Variants in HKDC1 observed in about 807,000 individuals in gnomAD.
HKDC1 encodes the protein hexokinase HKDC1.
HKDC1 carries 66 observed loss-of-function variants against 96.6 expected under a neutral mutation model. The observed-to-expected ratio is 0.68, with a 90% CI of 0.56 to 0.84. HKDC1 has a LOEUF of 0.84. HKDC1 is among the 40% of genes least tolerant of loss of function. HKDC1 has a pLI of 0.00. For synonymous variants in HKDC1, 466 were observed against 473.1 expected (o/e 0.98, Z 0.20); for missense variants, 1,211 against 1,208.1 (o/e 1.00, Z -0.04).
At chr10:69,233,498 CT>C (rs1435109284) in intron 4 of HKDC1, among the ~76,000 whole-genome samples, 3 of 152,112 alleles carry the variant, frequency 2.0e-5, no homozygotes, top group Non-Finnish European at 2.9e-5. Flanking sequence ...AGATGTGATG[CT>C]GCCTGAGGCC....
chr10:69,236,337 A>T (rs1252267799), intron 4 of HKDC1, among the ~76,000 whole-genome samples: 1 of 151,180 alleles, frequency 6.6e-6, no homozygotes, highest in Non-Finnish European at 1.5e-5. Flanking sequence ...TGAATGCCCA[A>T]CTTCAGGAGA....
intron 7 of HKDC1, 38 bp from the exon 8 acceptor site, chr10:69,246,041 A>C: frequency 6.2e-7 from 1 of 1,604,974 alleles, no homozygotes; most frequent in Non-Finnish European, 8.5e-7. Context: ...AGCTTAATCA[A>C]AGGGGCTGCG....
chr10:69,233,087 T>C lies in HKDC1; in HGVS notation c.449T>C (p.Leu150Pro). The change falls in exon 4 of 18, where the codon CTT (leucine) becomes CCT (proline). Residue 150 changes from leucine to proline, a missense_variant. Coordinates refer to ENST00000354624, the MANE Select transcript of HKDC1 (RefSeq NM_025130.4). Reference protein sequence around the residue: ...TKDLKHKKLPLGLTFSFPCRQ... With the variant: ...TKDLKHKKLPPGLTFSFPCRQ... ...GATTTAAAGCATAAGAAATTGCCCC[T>C]TGGCCTAACTTTTTCTTTCCCCTGT... The C allele has an allele frequency of 6.2e-7, 1 of 1,614,176 alleles. No homozygotes were observed. Among genetic ancestry groups the C allele is most frequent in the Non-Finnish European group, 8.5e-7 (1 of 1,180,046 alleles).
intron 4 of HKDC1, among the ~76,000 whole-genome samples, chr10:69,233,576 A>G (rs939226573): frequency 1.3e-5 from 2 of 152,128 alleles, no homozygotes; most frequent in African/African-American, 4.8e-5. Context: ...CTCTCCCTGT[A>G]GTGAGCCCTC....
rs147061869 is a variant in HKDC1 at position 69,243,339 on chromosome 10, C to T, written c.849C>T (p.Leu283=). ...IRTEFDRELD[L]GSLNPGKQLF... is the part of the protein sequence containing the mutation. The stretch of plus-strand genomic sequence containing the variant: ...CTGAGTTCGACAGGGAGCTGGACCT[C>T]GGCTCTCTCAACCCAGGAAAGCAAC... The change falls in exon 7 of 18, where the codon CTC becomes CTT. Residue 283 remains leucine (L), a synonymous_variant. Coordinates refer to ENST00000354624, the MANE Select transcript of HKDC1 (RefSeq NM_025130.4). 2.9e-4 allele frequency: 466 copies of T among 1,600,410 alleles called. No homozygotes were observed. The highest frequency in any genetic ancestry group is 4.8e-4 in the African/African-American group (36 of 74,726).
intron 16 of HKDC1, among the ~76,000 whole-genome samples, chr10:69,264,520 C>T (rs889180900): frequency 3.9e-5 from 6 of 151,902 alleles, no homozygotes; most frequent in African/African-American, 1.5e-4. Flanking sequence ...TAGGCATACA[C>T]AATCATGTCT....
chr10:69,228,984 AAAAG>A (rs369452993), intron 2 of HKDC1, among the ~76,000 whole-genome samples: 69 of 152,270 alleles, frequency 4.5e-4, no homozygotes, highest in African/African-American at 1.2e-3. Context: ...AAAGCAAAGA[AAAAG>A]AAAGAAAGAA....
At chr10:69,230,139 G>C (rs1843228921) in intron 2 of HKDC1, among the ~76,000 whole-genome samples, 1 of 152,192 alleles carries the variant, frequency 6.6e-6, no homozygotes, top group Non-Finnish European at 1.5e-5. Flanking sequence ...TTTTGGTCAG[G>C]GGGCTGCAGT....
rs376835244 is a variant in HKDC1 at position 69,257,440 on chromosome 10, C to T, written c.2032+14C>T. 37 of 1,576,264 alleles carry T rather than the reference C, an allele frequency of 2.3e-5. No homozygotes were observed. Among genetic ancestry groups the T allele is most frequent in the Non-Finnish European group, 7.9e-6 (9 of 1,145,616 alleles). The stretch of plus-strand genomic sequence containing the variant: ...GCCTGATTGCAGGTAGGTGGTCAGG[C>T]ATGGCCCATTGGCCTAATCCCACTG... On this transcript the variant is annotated intron_variant, in intron 14 of 17. Transcript: ENST00000354624.
At chr10:69,221,050 T>C (rs1843054221) in intron 1 of HKDC1, among the ~76,000 whole-genome samples, 1 of 152,000 alleles carries the variant, frequency 6.6e-6, no homozygotes, top group South Asian at 2.1e-4. Flanking sequence ...CTCGGGAGGC[T>C]GAGGCAGGAG....
At chr10:69,236,987 G>C (rs1843372288) in intron 4 of HKDC1, among the ~76,000 whole-genome samples, 1 of 152,096 alleles carries the variant, frequency 6.6e-6, no homozygotes. Context: ...TTTAAGCAGG[G>C]CTCTGCTGCA....
intron 1 of HKDC1, among the ~76,000 whole-genome samples, chr10:69,225,494 C>A (rs896973458): frequency 6.6e-6 from 1 of 152,104 alleles, no homozygotes; most frequent in Non-Finnish European, 1.5e-5. Flanking sequence ...CTCAATTGTC[C>A]TTTTTTGCTA....
intron 2 of HKDC1, 48 bp downstream of exon 2, chr10:69,227,417 T>G: frequency 6.2e-7 from 1 of 1,608,646 alleles, no homozygotes; most frequent in South Asian, 1.1e-5. Flanking sequence ...TCTTGGCTGA[T>G]GGGTGTCTAA....
At chr10:69,240,788 G>C (rs1272569419) in intron 6 of HKDC1, 37 bp downstream of exon 6, 2 of 1,498,608 alleles carry the variant, frequency 1.3e-6, no homozygotes, top group Middle Eastern at 1.7e-4. Flanking sequence ...GGGTAGGGGA[G>C]AAGGGACTGT....
intron 6 of HKDC1, among the ~76,000 whole-genome samples, chr10:69,242,912 C>A (rs951208532): frequency 6.6e-6 from 1 of 152,232 alleles, no homozygotes; most frequent in African/African-American, 2.4e-5. Context: ...CGTCAGCTTT[C>A]ATCCATATTC....
intron 6 of HKDC1, among the ~76,000 whole-genome samples, chr10:69,242,376 T>C (rs1843467231): frequency 6.7e-6 from 1 of 149,904 alleles, no homozygotes; most frequent in Non-Finnish European, 1.5e-5. Flanking sequence ...TCATTTTCCA[T>C]GTTGGCATTT....
At chr10:69,265,424 G>A (rs935202599) in intron 16 of HKDC1, 161 bp from the exon 17 acceptor site, 4 of 649,406 alleles carry the variant, frequency 6.2e-6, no homozygotes, top group Non-Finnish European at 1.1e-5. Flanking sequence ...ACCTTCTTGA[G>A]TCTCGGCTTC....
Position 69,257,350 on chromosome 10 carries a change from A to C in HKDC1, c.1956A>C (p.Ala652=), listed in dbSNP as rs1036595563. Residue 652 remains alanine, a synonymous_variant, in exon 14 of 18, where the codon GCA becomes GCC. Coordinates refer to ENST00000354624, the MANE Select transcript of HKDC1 (RefSeq NM_025130.4). ...AGGAGTTTGACCTGGACATTGTTGC[A>C]GTCGTGAATGATACAGTGGGGACCA... ...RRNEFDLDIV[A]VVNDTVGTMM... is the part of the protein sequence containing the mutation. 6.2e-7 allele frequency: 1 copy of C among 1,613,856 alleles called. No individual in the cohort carries two copies. Among genetic ancestry groups the C allele is most frequent in the Non-Finnish European group, 8.5e-7 (1 of 1,179,812 alleles).
chr10:69,232,903 C>T lies in HKDC1; in HGVS notation c.366C>T (p.Asn122=), dbSNP rs138133608. ...YPTPNEIIRG[N]GTELFEYVAD... Reference sequence around the variant, plus strand: ...CGCCCAATGAAATCATCCGCGGGAACGGCACAGAGGTACCTGGCAGGTGGC... The same window carrying T: ...CGCCCAATGAAATCATCCGCGGGAATGGCACAGAGGTACCTGGCAGGTGGC... Residue 122 remains asparagine, a synonymous_variant, in exon 3 of 18, where the codon AAC becomes AAT. Coordinates refer to ENST00000354624, the MANE Select transcript of HKDC1 (RefSeq NM_025130.4). The T allele has an allele frequency of 8.3e-5, 134 of 1,612,758 alleles. No homozygotes were observed. The African/African-American group carries it at 1.1e-3, about 13-fold the overall frequency.
Sources: gnomAD v4.1 joint callset for allele counts (sites outside exome capture counted in the v4.1 genomes callset) on GRCh38, gnomAD v4.1.1 for gene constraint, MANE v1.5 for transcripts, NCBI Gene and HGNC (gene_info 2026-07-23, HGNC 2026-07-21) for gene names.